The following SLMAP variants were observed in gnomAD, a reference collection of about 807,000 sequenced individuals.
SLMAP encodes the protein sarcolemma associated protein.
A neutral mutation model predicts 128.8 loss-of-function variants in SLMAP; 44 were observed. The observed-to-expected ratio is 0.34, with a 90% CI of 0.27 to 0.44. The LOEUF (loss-of-function observed/expected upper bound fraction) is 0.44. SLMAP is among the 20% of genes least tolerant of loss of function. SLMAP has a pLI of 1.00. For missense variants in SLMAP, 787 were observed against 985.3 expected, an observed-to-expected ratio of 0.80 and a Z score of 2.69; for synonymous variants, 327 against 348.8, an observed-to-expected ratio of 0.94 and a Z score of 0.70.
intron 2 of SLMAP, among the ~76,000 whole-genome samples, chr3:57,788,327 T>C (rs1377619101): frequency 6.6e-6 from 1 of 152,186 alleles, no homozygotes. Context: ...TAAATCTTTG[T>C]TTTTAGAATA....
chr3:57,766,514 A>G (rs1229319874), intron 2 of SLMAP, among the ~76,000 whole-genome samples: 1 of 152,236 alleles, frequency 6.6e-6, no homozygotes, highest in Admixed American at 6.5e-5. Context: ...TTCTAAGTTT[A>G]CAGTCCAGAC....
At chr3:57,802,608 A>C (rs945930156) in intron 2 of SLMAP, among the ~76,000 whole-genome samples, 2 of 152,198 alleles carry the variant, frequency 1.3e-5, no homozygotes, top group Admixed American at 6.5e-5. Context: ...AGAAATTTCA[A>C]ACAAATAATG....
chr3:57,867,162 G>C (rs565469007), intron 13 of SLMAP, among the ~76,000 whole-genome samples: 26 of 152,214 alleles, frequency 1.7e-4, no homozygotes, highest in Non-Finnish European at 3.4e-4. Context: ...CTGGGCAACA[G>C]AGTGAGACTC....
At chr3:57,906,895 G>A (rs938920216) in intron 17 of SLMAP, among the ~76,000 whole-genome samples, 2 of 151,756 alleles carry the variant, frequency 1.3e-5, no homozygotes, top group Non-Finnish European at 2.9e-5. Context: ...AAATTAAAAA[G>A]CAGAATGATT....
chr3:57,817,653 T>C (rs190285056), intron 2 of SLMAP, among the ~76,000 whole-genome samples: 7 of 152,312 alleles, frequency 4.6e-5, no homozygotes, highest in Non-Finnish European at 8.8e-5. Flanking sequence ...TGTTGGCTCA[T>C]GTGGGATGCT....
At chr3:57,873,765 AG>A (rs1218401670) in intron 14 of SLMAP, among the ~76,000 whole-genome samples, 1 of 152,130 alleles carries the variant, frequency 6.6e-6, no homozygotes. Context: ...CCTTGAGGCC[AG>A]GAGATCAAGA....
chr3:57,769,261 T>G (rs914500664), intron 2 of SLMAP, among the ~76,000 whole-genome samples: 2 of 152,058 alleles, frequency 1.3e-5, no homozygotes, highest in Admixed American at 1.3e-4. Flanking sequence ...GGCGCGATCT[T>G]GGCTCACTGC....
rs567118153 is a variant in SLMAP, at chr3:57,860,893, C to A, written c.828+54C>A. 84 of 1,403,814 alleles carry A rather than the reference C, an allele frequency of 6.0e-5. No homozygotes were observed. In the Admixed American group the frequency reaches 2.0e-3, roughly 33 times the overall value. 87.0% of individuals were successfully genotyped at this position (1,403,814 alleles called of 1,614,324 possible). On this transcript the variant is annotated intron_variant, in intron 9 of 24. Coordinates refer to ENST00000671191, the MANE Select transcript of SLMAP (RefSeq NM_001377540.1). Reference sequence around the variant, plus strand: ...TAGTATTATGAGTGTTCAAAAAAATCTCAAGCATTCCAGGATACTTTAAAC... The same window carrying A: ...TAGTATTATGAGTGTTCAAAAAAATATCAAGCATTCCAGGATACTTTAAAC...
rs536284916 is a variant in SLMAP at position 57,789,791 on chromosome 3, A to T, written c.198+31942A>T. ...GATGTTCTGAGTTCTTTTTTTCTTT[A>T]TCAAGTCCAAAATGTCATGTTCTGA... On this transcript the variant is annotated intron_variant, in intron 2 of 24. Coordinates refer to ENST00000671191, the MANE Select transcript of SLMAP (RefSeq NM_001377540.1). 5.3e-5 allele frequency among the ~76,000 whole-genome samples: 8 copies of T among 152,238 alleles called. No homozygotes were observed. The South Asian group carries it at 1.7e-3, about 32-fold the overall frequency.
chr3:57,851,073 A>C (rs746806909), intron 6 of SLMAP, among the ~76,000 whole-genome samples: 1 of 152,240 alleles, frequency 6.6e-6, no homozygotes, highest in Non-Finnish European at 1.5e-5. Flanking sequence ...TTCTCACAAC[A>C]GTCTTACAAG....
chr3:57,869,476 G>A (rs918871483), intron 13 of SLMAP, among the ~76,000 whole-genome samples: 2 of 150,678 alleles, frequency 1.3e-5, no homozygotes, highest in African/African-American at 4.9e-5. Flanking sequence ...AAAAAGCTGG[G>A]TGCAGTGGTA....
intron 2 of SLMAP, among the ~76,000 whole-genome samples, chr3:57,786,891 G>A (rs1453297139): frequency 6.6e-6 from 1 of 151,902 alleles, no homozygotes; most frequent in Admixed American, 6.6e-5. Flanking sequence ...CTGCCATCAC[G>A]CCTGGCTAAT....
At chr3:57,826,285 T>A (rs2153538555) in intron 2 of SLMAP, among the ~76,000 whole-genome samples, 1 of 152,312 alleles carries the variant, frequency 6.6e-6, no homozygotes, top group Non-Finnish European at 1.5e-5. Context: ...GAAATAGAAG[T>A]TTACAGTTTT....
At chr3:57,779,685 TTATAAA>T (rs143669365) in intron 2 of SLMAP, among the ~76,000 whole-genome samples, 118 of 152,236 alleles carry the variant, frequency 7.8e-4, no homozygotes, top group African/African-American at 2.6e-3. Context: ...TTTAAATACT[TTATAAA>T]TGAATACTTA....
chr3:57,809,423 C>T (rs1462644911), intron 2 of SLMAP, among the ~76,000 whole-genome samples: 6 of 152,234 alleles, frequency 3.9e-5, no homozygotes, highest in Admixed American at 2.0e-4. Context: ...AGCCTCCTGT[C>T]ACCTCAGCCC....
intron 16 of SLMAP, 53 bp from the exon 17 acceptor site, chr3:57,896,820 G>T: frequency 3.3e-6 from 5 of 1,529,920 alleles, no homozygotes; most frequent in Non-Finnish European, 4.4e-6. Flanking sequence ...ATAGCTTGCT[G>T]ATAGATCTGA....
At position 57,840,633 on chromosome 3, in the gene SLMAP, G is replaced by A. The variant is rs151284946; in HGVS notation, c.347-666G>A. On this transcript the variant is annotated intron_variant, in intron 3 of 24. Transcript: ENST00000671191. Reference sequence around the variant, plus strand: ...GAAAAGGAGGAAGTAAGATGCAACAGTGAGAAGCTGTCTACAAAGGGACTG... The same window carrying A: ...GAAAAGGAGGAAGTAAGATGCAACAATGAGAAGCTGTCTACAAAGGGACTG... Among the ~76,000 whole-genome samples the A allele has an allele frequency of 1.3e-3, 195 of 152,308 alleles. 1 individual carries two copies. Among genetic ancestry groups the A allele is most frequent in the African/African-American group, 4.1e-3 (169 of 41,582 alleles).
chr3:57,835,121 C>CAA (rs60166193), intron 3 of SLMAP, among the ~76,000 whole-genome samples: 6 of 37,652 alleles, frequency 1.6e-4, no homozygotes, highest in African/African-American at 3.7e-4. Flanking sequence ...GACCCTGTCT[C>CAA]AAAAAAAAAA....
At chr3:57,780,055 A>G (rs1037861872) in intron 2 of SLMAP, among the ~76,000 whole-genome samples, 11 of 152,152 alleles carry the variant, frequency 7.2e-5, no homozygotes, top group Non-Finnish European at 1.2e-4. Context: ...ATGTAAGAAC[A>G]TAACCTCCCT....
Sources: allele counts gnomAD v4.1 joint callset (sites outside exome capture counted in the v4.1 genomes callset), GRCh38; gene constraint gnomAD v4.1.1; transcripts MANE v1.5; gene names NCBI Gene and HGNC (gene_info 2026-07-23, HGNC 2026-07-21).